PPP1R17: variants seen among roughly 807,000 people sequenced by gnomAD.
PPP1R17 encodes the protein protein phosphatase 1 regulatory subunit 17, also known as G-substrate.
Under a neutral mutation model 15.9 loss-of-function variants are expected in PPP1R17, and 12 were observed. That is an observed-to-expected ratio of 0.75 (90% CI 0.48 to 1.22). PPP1R17 has a LOEUF of 1.22. Among genes scored for constraint, PPP1R17 ranks in the 50% most tolerant of loss-of-function variants. The pLI is 0.00. For missense variants in PPP1R17, 211 were observed against 187.3 expected, an observed-to-expected ratio of 1.13 and a Z score of -0.74; for synonymous variants, 63 against 64.5, an observed-to-expected ratio of 0.98 and a Z score of 0.11.
intron 4 of PPP1R17, among the ~76,000 whole-genome samples, chr7:31,698,447 G>C (rs1792705685): frequency 6.6e-6 from 1 of 152,136 alleles, no homozygotes; most frequent in Non-Finnish European, 1.5e-5. Flanking sequence ...ACCCCACCTG[G>C]TCATGCCAGG....
intron 4 of PPP1R17, among the ~76,000 whole-genome samples, chr7:31,703,922 G>A (rs1001715873): frequency 6.6e-6 from 1 of 152,216 alleles, no homozygotes; most frequent in Non-Finnish European, 1.5e-5. Flanking sequence ...CTTGCTCCCA[G>A]CTTAGCCTAC....
intron 4 of PPP1R17, among the ~76,000 whole-genome samples, chr7:31,704,965 CTGACT>C (rs1793005002): frequency 6.6e-6 from 1 of 152,206 alleles, no homozygotes; most frequent in South Asian, 2.1e-4. Flanking sequence ...GTAGATACTC[CTGACT>C]TAAGGCTCAT....
chr7:31,706,696 G>A lies in PPP1R17; in HGVS notation c.389-508G>A, dbSNP rs193131455. 1.4e-4 allele frequency among the ~76,000 whole-genome samples: 22 copies of A among 152,248 alleles called. No homozygotes were observed. In the East Asian group the frequency reaches 3.3e-3, roughly 23 times the overall value. On this transcript the variant is annotated intron_variant, in intron 4 of 4. Transcript: ENST00000342032. ...AGTTCTTTTCCAAAGGAAAATAAAC[G>A]AGCAAATATTGAAAGGACAGGAAAA...
At chr7:31,689,600 C>T (rs1032728770) in intron 1 of PPP1R17, among the ~76,000 whole-genome samples, 10 of 152,114 alleles carry the variant, frequency 6.6e-5, no homozygotes, top group African/African-American at 2.4e-4. Context: ...AAACAGCTCA[C>T]TCATAAAGAG....
In PPP1R17 at chr7:31,704,091, A is replaced by T. The variant is rs779952616; in HGVS notation, c.389-3113A>T. 4.9e-4 allele frequency among the ~76,000 whole-genome samples: 74 copies of T among 152,224 alleles called. 1 individual carries two copies. Among genetic ancestry groups the T allele is most frequent in the Non-Finnish European group, 2.9e-4 (20 of 68,036 alleles). ...AAAAAGGAATAATGAGGCTGGAAGC[A>T]TCAAAGAGAATCCTCCTGGAAAATT... On this transcript the variant is annotated intron_variant, in intron 4 of 4. Transcript: ENST00000342032.
At chr7:31,687,538 G>C (rs1177084182) in intron 1 of PPP1R17, among the ~76,000 whole-genome samples, 1 of 152,216 alleles carries the variant, frequency 6.6e-6, no homozygotes, top group Non-Finnish European at 1.5e-5. Flanking sequence ...CATTTGCAAA[G>C]TTTCAAGATG....
In PPP1R17 at chr7:31,695,592, C is replaced by T. The variant is rs145437298; in HGVS notation, c.206C>T (p.Pro69Leu). The change falls in exon 3 of 5, where the codon CCG becomes CTG. Residue 69 changes from proline (P) to leucine (L), a missense_variant. By Grantham distance (98) the Pro-to-Leu change is moderately conservative. Transcript: ENST00000342032. ...AAAAAACCAAGGAGGAAAGATACAC[C>T]GGCGCTGCACATCCCACCTTTCATA... is the stretch of plus-strand genomic sequence containing the variant. ...DQKKPRRKDT[P>L]ALHIPPFIPG... 34 of 1,613,480 alleles carry T rather than the reference C, an allele frequency of 2.1e-5. No homozygotes were observed. Among genetic ancestry groups the T allele is most frequent in the Admixed American group, 3.3e-5 (2 of 59,904 alleles).
intron 1 of PPP1R17, 30 bp downstream of exon 1, chr7:31,687,336 C>A (rs1020601501): frequency 2.0e-5 from 3 of 152,286 alleles, no homozygotes; most frequent in African/African-American, 2.4e-5. Flanking sequence ...ACTCCAAGAA[C>A]TTTTGTGGTG....
rs770971633 is a variant in PPP1R17 at position 31,695,573 on chromosome 7, C to A, written c.187C>A (p.Pro63Thr). Residue 63 changes from proline (P) to threonine (T), a missense_variant, in exon 3 of 5, where the codon CCA becomes ACA. Coordinates refer to ENST00000342032, the MANE Select transcript of PPP1R17 (RefSeq NM_006658.5). ...GAATGTTGAGTCAGACCAAAAAAAACCAAGGAGGAAAGATACACCGGCGCT... is the reference window on the plus strand; with the variant it reads ...GAATGTTGAGTCAGACCAAAAAAAAACAAGGAGGAAAGATACACCGGCGCT... ...TLNVESDQKKPRRKDTPALHI... is the reference protein window; with the variant it reads ...TLNVESDQKKTRRKDTPALHI... 27 of 1,613,482 alleles carry A rather than the reference C, an allele frequency of 1.7e-5. No individual in the cohort carries two copies. Among genetic ancestry groups the A allele is most frequent in the East Asian group, 2.2e-5 (1 of 44,848 alleles).
chr7:31,700,324 C>T (rs534250881), intron 4 of PPP1R17, among the ~76,000 whole-genome samples: 1 of 152,296 alleles, frequency 6.6e-6, no homozygotes, highest in South Asian at 2.1e-4. Context: ...TTACACCAGC[C>T]ATAACCCTTC....
chr7:31,702,193 T>C (rs913989376), intron 4 of PPP1R17, among the ~76,000 whole-genome samples: 10 of 142,078 alleles, frequency 7.0e-5, no homozygotes, highest in African/African-American at 2.8e-4. Flanking sequence ...TAAATCAGCT[T>C]TTCACCCTTA....
At chr7:31,697,198 T>A in intron 4 of PPP1R17, 81 bp downstream of exon 4, 1 of 1,531,588 alleles carries the variant, frequency 6.5e-7, no homozygotes, top group East Asian at 2.3e-5. Flanking sequence ...CCCCAGGGCC[T>A]GGCCGTTGTC....
Position 31,705,470 on chromosome 7 carries a change from C to A in PPP1R17, c.389-1734C>A, listed in dbSNP as rs966509370. Among the ~76,000 whole-genome samples the A allele has an allele frequency of 6.1e-5, 9 of 148,042 alleles. No homozygotes were observed. The South Asian group carries it at 6.6e-4, about 11-fold the overall frequency. On this transcript the variant is annotated intron_variant, in intron 4 of 4. Transcript: ENST00000342032. ...TGCAGCTGGTGTACGAGAAATATCT[C>A]CCACTGTGTTTCATAAGTGATTTAT...
intron 2 of PPP1R17, among the ~76,000 whole-genome samples, chr7:31,694,091 TAAGGC>T (rs1466108409): frequency 6.6e-6 from 1 of 152,188 alleles, no homozygotes; most frequent in African/African-American, 2.4e-5. Flanking sequence ...AGTTAAAAGA[TAAGGC>T]ACCTGTCAGT....
Position 31,708,336 on chromosome 7 carries a change from T to G in PPP1R17, c.*1053T>G, listed in dbSNP as rs1177882736. 1 of 151,966 alleles carries G rather than the reference T, an allele frequency of 6.6e-6. No individual in the cohort carries two copies. The highest frequency in any genetic ancestry group is 1.5e-5 in the Non-Finnish European group (1 of 68,004). The allele number at this position is 151,966 out of a possible 1,614,324, so 9.4% of individuals were successfully genotyped here. A position where few individuals can be genotyped will look rare whatever the true frequency, so the allele number is the denominator to read the frequency against. On this transcript the variant is annotated 3_prime_UTR_variant, in exon 5 of 5. Coordinates refer to ENST00000342032, the MANE Select transcript of PPP1R17 (RefSeq NM_006658.5). ...ATACGCAAATTGTCACAACTAAGAG[T>G]GATAATTTGGTAGCTCTGTATGTAT...
chr7:31,699,409 C>T (rs1370705788), intron 4 of PPP1R17, among the ~76,000 whole-genome samples: 3 of 152,194 alleles, frequency 2.0e-5, no homozygotes, highest in Non-Finnish European at 1.5e-5. Flanking sequence ...TGGCAGTATT[C>T]TGTCTTCTTT....
At chr7:31,695,962 C>A in intron 3 of PPP1R17, 1 of 168,950 alleles carries the variant, frequency 5.9e-6, no homozygotes, top group Non-Finnish European at 1.3e-5. Flanking sequence ...CAAGCTTCCA[C>A]AGTCACGATG....
chr7:31,701,692 T>C (rs1199902605), intron 4 of PPP1R17, among the ~76,000 whole-genome samples: 1 of 152,238 alleles, frequency 6.6e-6, no homozygotes, highest in African/African-American at 2.4e-5. Context: ...CTTGAGAGAT[T>C]GCCACAGCCA....
At chr7:31,695,397 G>A in intron 2 of PPP1R17, 72 bp from the exon 3 acceptor site, 3 of 1,417,834 alleles carry the variant, frequency 2.1e-6, no homozygotes, top group Admixed American at 4.5e-5. Context: ...GTGCAATTAG[G>A]AACCAAACAG....
Sources: allele counts gnomAD v4.1 joint callset (sites outside exome capture counted in the v4.1 genomes callset), GRCh38; gene constraint gnomAD v4.1.1; transcripts MANE v1.5; gene names NCBI Gene and HGNC (gene_info 2026-07-23, HGNC 2026-07-21).